The following CDH9 variants were observed in gnomAD, a reference collection of about 807,000 sequenced individuals.
The protein encoded by CDH9 is cadherin-9.
In CDH9, 28 loss-of-function variants were observed where a neutral mutation model predicts 70.9. The ratio of observed to expected loss-of-function variants is 0.40; its 90% CI spans 0.29 to 0.54. The LOEUF (loss-of-function observed/expected upper bound fraction) is 0.54. Ranked by LOEUF, CDH9 falls within the 20% of genes least tolerant of loss-of-function variation. CDH9 has a pLI of 0.59. For synonymous variants in CDH9, 409 were observed against 343.1 expected (o/e 1.19, Z -2.12); for missense variants, 874 against 984.4 (o/e 0.89, Z 1.50).
At chr5:26,939,620 G>T (rs1741623982) in intron 2 of CDH9, among the ~76,000 whole-genome samples, 1 of 151,950 alleles carries the variant, frequency 6.6e-6, no homozygotes, top group Admixed American at 6.6e-5. Flanking sequence ...GCAAGCAAAT[G>T]ATGATTTCCT....
At chr5:27,037,143 G>A (rs969478321) in intron 1 of CDH9, among the ~76,000 whole-genome samples, 24 of 151,984 alleles carry the variant, frequency 1.6e-4, no homozygotes, top group Admixed American at 6.6e-4. Context: ...CATTCTTAAC[G>A]GCTGTGCCTG....
At chr5:26,886,104 T>C in intron 9 of CDH9, 21 bp from the exon 10 acceptor site, 3 of 1,579,392 alleles carry the variant, frequency 1.9e-6, no homozygotes, top group Non-Finnish European at 2.6e-6. Context: ...AATTAATTAA[T>C]TAATTAATTA....
intron 2 of CDH9, among the ~76,000 whole-genome samples, chr5:26,986,624 G>A (rs1292634698): frequency 6.6e-6 from 1 of 152,040 alleles, no homozygotes; most frequent in African/African-American, 2.4e-5. Flanking sequence ...CTATTCTTCT[G>A]TATCTGTGAA....
At chr5:26,993,020 C>T (rs954262655) in intron 1 of CDH9, among the ~76,000 whole-genome samples, 5 of 148,446 alleles carry the variant, frequency 3.4e-5, no homozygotes, top group Non-Finnish European at 7.4e-5. Flanking sequence ...CACTTGAACC[C>T]GGGAGGCGGA....
chr5:26,899,300 C>T (rs879090037), intron 7 of CDH9, among the ~76,000 whole-genome samples: 1 of 152,090 alleles, frequency 6.6e-6, no homozygotes, highest in South Asian at 2.1e-4. Context: ...TACCATTTGA[C>T]CCAGCAATCC....
chr5:26,894,406 T>C (rs768489308), intron 7 of CDH9, among the ~76,000 whole-genome samples: 4 of 152,106 alleles, frequency 2.6e-5, no homozygotes, highest in Non-Finnish European at 4.4e-5. Flanking sequence ...AAAATAGATT[T>C]GGGTTTCTGG....
intron 1 of CDH9, among the ~76,000 whole-genome samples, chr5:27,022,872 C>A (rs1462252569): frequency 6.6e-6 from 1 of 152,010 alleles, no homozygotes. Context: ...TTCAGGGAGT[C>A]CAGTTCTGAG....
chr5:26,954,509 C>A (rs552137861), intron 2 of CDH9, among the ~76,000 whole-genome samples: 1 of 150,236 alleles, frequency 6.7e-6, no homozygotes, highest in East Asian at 2.0e-4. Flanking sequence ...CTCAGCCTCC[C>A]GAGTAGCTGG....
chr5:26,915,580 G>T, intron 3 of CDH9, 50 bp downstream of exon 3: 1 of 1,060,158 alleles, frequency 9.4e-7, no homozygotes, highest in South Asian at 1.4e-5. Context: ...ATAATTACCT[G>T]AGCAAACAAA....
In CDH9 at chr5:26,915,789, A is replaced by C; in HGVS notation, c.364T>G (p.Ser122Ala). ...GCCTTGGCACGAAGAATGTACAGAGATTTTTCTTCTCTGTCTAGTTTCTTT... is the reference window on the plus strand; with the variant it reads ...GCCTTGGCACGAAGAATGTACAGAGCTTTTTCTTCTCTGTCTAGTTTCTTT... ...AAKKLDREEK[S>A]LYILRAKAID... Residue 122 changes from serine to alanine, a missense_variant, in exon 3 of 12, where the codon TCT (serine) becomes GCT (alanine). Physicochemically the swap from Ser to Ala is moderately conservative, Grantham distance 99. Coordinates refer to ENST00000231021, the MANE Select transcript of CDH9 (RefSeq NM_016279.4). 1 of 1,613,392 alleles carries C rather than the reference A, an allele frequency of 6.2e-7. No homozygotes were observed. Among genetic ancestry groups the C allele is most frequent in the Non-Finnish European group, 8.5e-7 (1 of 1,179,594 alleles).
intron 1 of CDH9, among the ~76,000 whole-genome samples, chr5:27,017,916 T>C (rs1044354535): frequency 8.8e-5 from 10 of 113,600 alleles, no homozygotes; most frequent in African/African-American, 3.4e-4. Context: ...TTAGTATACA[T>C]TGTTTTTTTA....
intron 3 of CDH9, among the ~76,000 whole-genome samples, chr5:26,911,942 G>A (rs931610370): frequency 3.9e-5 from 6 of 152,028 alleles, no homozygotes; most frequent in African/African-American, 1.4e-4. Context: ...AGAAGGGAAG[G>A]AGTTGGTAAG....
chr5:26,990,154 A>G (rs1742557188), intron 1 of CDH9, among the ~76,000 whole-genome samples: 1 of 152,154 alleles, frequency 6.6e-6, no homozygotes, highest in Admixed American at 6.5e-5. Context: ...CATCACAACC[A>G]TCATCATTAT....
intron 2 of CDH9, among the ~76,000 whole-genome samples, chr5:26,927,589 T>A (rs557474679): frequency 1.3e-5 from 2 of 152,164 alleles, no homozygotes; most frequent in South Asian, 4.1e-4. Flanking sequence ...ATCCCACATG[T>A]ATCATGAGGA....
chr5:27,020,451 A>G (rs1743118108), intron 1 of CDH9, among the ~76,000 whole-genome samples: 1 of 151,616 alleles, frequency 6.6e-6, no homozygotes, highest in African/African-American at 2.4e-5. Context: ...CTGCAGAATA[A>G]TAAACTAAAA....
intron 2 of CDH9, among the ~76,000 whole-genome samples, chr5:26,931,379 A>G (rs1056112360): frequency 4.6e-5 from 7 of 152,148 alleles, no homozygotes; most frequent in Admixed American, 4.6e-4. Flanking sequence ...TTTGTATTGG[A>G]ATCATAAACT....
intron 1 of CDH9, among the ~76,000 whole-genome samples, chr5:27,031,429 CT>C (rs1480628116): frequency 2.0e-5 from 3 of 151,738 alleles, no homozygotes; most frequent in Non-Finnish European, 2.9e-5. Context: ...CTATATAGGC[CT>C]TTTACTCACA....
intron 1 of CDH9, among the ~76,000 whole-genome samples, chr5:27,015,350 A>G (rs1743029883): frequency 6.6e-6 from 1 of 151,852 alleles, no homozygotes; most frequent in Admixed American, 6.6e-5. Flanking sequence ...GTAAAAATGC[A>G]TCAATGCTAA....
intron 2 of CDH9, among the ~76,000 whole-genome samples, chr5:26,939,077 A>C (rs1217214869): frequency 6.6e-6 from 1 of 151,926 alleles, no homozygotes; most frequent in Non-Finnish European, 1.5e-5. Flanking sequence ...TAAGTAATTT[A>C]AATAGAGGAA....
Sources: allele counts gnomAD v4.1 joint callset (sites outside exome capture counted in the v4.1 genomes callset), GRCh38; gene constraint gnomAD v4.1.1; transcripts MANE v1.5; gene names NCBI Gene and HGNC (gene_info 2026-07-23, HGNC 2026-07-21).